The following VPS4A variants were observed in gnomAD, a reference collection of about 807,000 sequenced individuals.
VPS4A encodes vacuolar protein sorting 4 homolog A.
In VPS4A, 20 loss-of-function variants were observed where a neutral mutation model predicts 52.3. That is an observed-to-expected ratio of 0.38 (90% CI 0.27 to 0.56). The LOEUF is 0.56. VPS4A is among the 20% of genes least tolerant of loss of function. VPS4A has a pLI of 0.72. For synonymous variants in VPS4A, 293 were observed against 227.7 expected (o/e 1.29, Z -2.58); for missense variants, 419 against 575.9 (o/e 0.73, Z 2.79).
Position 69,320,455 on chromosome 16 carries a change from A to G in VPS4A, c.769+166A>G. The G allele has an allele frequency of 9.5e-7, 1 of 1,051,316 alleles. No individual in the cohort carries two copies. The highest frequency in any genetic ancestry group is 1.7e-5 in the South Asian group (1 of 59,912). The allele number at this position is 1,051,316 out of a possible 1,614,324, so 65.1% of individuals were successfully genotyped here. A position where few individuals can be genotyped will look rare whatever the true frequency, so the allele number is the denominator to read the frequency against. On this transcript the variant is annotated intron_variant, in intron 7 of 10. Transcript: ENST00000254950. The surrounding 1 kb of genome is among the most constrained non-coding windows in gnomAD (Gnocchi z 4.2). ...GACTTCAATTCCCAAGAGGTGCCTG[A>G]GGCCTCTGCCTCACGGGCCACTCCA...
At chr16:69,311,567 G>C (rs757173669) in intron 1 of VPS4A, 35 bp downstream of exon 1, 6 of 1,284,916 alleles carry the variant, frequency 4.7e-6, no homozygotes, top group Non-Finnish European at 6.0e-6. Flanking sequence ...TTCGGAGGCC[G>C]AAGGCAGCGG....
Position 69,324,547 on chromosome 16 carries a change from C to T in VPS4A, c.*238C>T. 1 of 498,654 alleles carries T rather than the reference C, an allele frequency of 2.0e-6. No homozygotes were observed. Among genetic ancestry groups the T allele is most frequent in the South Asian group, 2.7e-5 (1 of 36,528 alleles). 30.9% of individuals were successfully genotyped at this position (498,654 alleles called of 1,614,324 possible). On this transcript the variant is annotated 3_prime_UTR_variant, in exon 11 of 11. Coordinates refer to ENST00000254950, the MANE Select transcript of VPS4A (RefSeq NM_013245.3). ...TTCCTACTTCCTCCTCTCCTGGATG[C>T]TCATCAGCTCCTTCTGCCTCCCCCC...
rs904831815 is a variant in VPS4A at position 69,325,095 on chromosome 16, C to T, written c.*786C>T. 2 of 152,316 alleles carry T rather than the reference C, an allele frequency of 1.3e-5. No homozygotes were observed. Among genetic ancestry groups the T allele is most frequent in the Admixed American group, 6.5e-5 (1 of 15,284 alleles). 9.4% of individuals were successfully genotyped at this position (152,316 alleles called of 1,614,324 possible). ...TCTTAACTGAGACTCTGAAGGGCCACCCTTGCTTCCAATTAAAAGACCCTC... is the reference window on the plus strand; with the variant it reads ...TCTTAACTGAGACTCTGAAGGGCCATCCTTGCTTCCAATTAAAAGACCCTC... On this transcript the variant is annotated 3_prime_UTR_variant, in exon 11 of 11. Transcript: ENST00000254950.
chr16:69,322,817 C>G, intron 10 of VPS4A, 117 bp downstream of exon 10: 1 of 1,362,364 alleles, frequency 7.3e-7, no homozygotes, highest in Non-Finnish European at 9.8e-7. Context: ...CGCCTGTAAT[C>G]CCAGCACTTT....
At chr16:69,323,509 C>T in intron 10 of VPS4A, 1 of 380,232 alleles carries the variant, frequency 2.6e-6, no homozygotes, top group Admixed American at 3.3e-5. Flanking sequence ...TGACGTCAAT[C>T]CATGGGTTTG....
chr16:69,325,191 C>T lies in VPS4A; in HGVS notation c.*882C>T, dbSNP rs1597216380. 6.6e-6 allele frequency: 1 copy of T among 152,252 alleles called. No homozygotes were observed. Among genetic ancestry groups the T allele is most frequent in the Admixed American group, 6.5e-5 (1 of 15,284 alleles). 9.4% of individuals were successfully genotyped at this position (152,252 alleles called of 1,614,324 possible). A position where few individuals can be genotyped will look rare whatever the true frequency, so the allele number is the denominator to read the frequency against. ...ACACTGCAGTTCTTAGGCCTGTTCT[C>T]CAGTCAGGTGTGCAAGGCCTCCTCC... On this transcript the variant is annotated 3_prime_UTR_variant, in exon 11 of 11. Transcript: ENST00000254950.
At position 69,320,469 on chromosome 16, in the gene VPS4A, C is replaced by G. The variant is rs71397910; in HGVS notation, c.769+180C>G. On this transcript the variant is annotated intron_variant, in intron 7 of 10. Coordinates refer to ENST00000254950, the MANE Select transcript of VPS4A (RefSeq NM_013245.3). This position sits in a 1 kb window ranked among gnomAD's most constrained non-coding sequence, Gnocchi z 4.2. ...AGAGGTGCCTGAGGCCTCTGCCTCA[C>G]GGGCCACTCCACCCCTCCCATGGCA... 1 of 900,052 alleles carries G rather than the reference C, an allele frequency of 1.1e-6. No individual in the cohort carries two copies. The highest frequency in any genetic ancestry group is 1.7e-6 in the Non-Finnish European group (1 of 602,426). 55.8% of individuals were successfully genotyped at this position (900,052 alleles called of 1,614,324 possible).
intron 1 of VPS4A, 69 bp downstream of exon 1, chr16:69,311,601 C>T: frequency 8.1e-7 from 1 of 1,229,268 alleles, no homozygotes; most frequent in African/African-American, 1.6e-5. Context: ...CAGAGCCGGG[C>T]GGCGGGCGGG....
At chr16:69,319,565 G>A in intron 6 of VPS4A, 22 bp downstream of exon 6, 2 of 1,601,878 alleles carry the variant, frequency 1.2e-6, no homozygotes, top group East Asian at 2.3e-5. Flanking sequence ...ACCAGGCCAT[G>A]CTCTGCCAGC....
In VPS4A at chr16:69,321,923, G is replaced by A. The variant is rs910571153; in HGVS notation, c.1072-637G>A. The A allele has an allele frequency of 4.5e-4, 70 of 156,540 alleles. No homozygotes were observed. The highest frequency in any genetic ancestry group is 1.4e-3 in the African/African-American group (60 of 41,458). 9.7% of individuals were successfully genotyped at this position (156,540 alleles called of 1,614,324 possible). A position where few individuals can be genotyped will look rare whatever the true frequency, so the allele number is the denominator to read the frequency against. On this transcript the variant is annotated intron_variant, in intron 9 of 10. Transcript: ENST00000254950. The surrounding 1 kb of genome is among the most constrained non-coding windows in gnomAD (Gnocchi z 4.5). ...TGGGGGAATGTTTTGCCAAGGCAGC[G>A]GACTTCAGTTGGAAAACCACTTTGT...
rs1965578159 is a variant in VPS4A at position 69,325,411 on chromosome 16, TAATCCCA to T, written c.*1103_*1109del. On this transcript the variant is annotated 3_prime_UTR_variant, in exon 11 of 11. Coordinates refer to ENST00000254950, the MANE Select transcript of VPS4A (RefSeq NM_013245.3). ...TGCTGGGCGCGGTGGCTCACGCCTG[TAATCCCA>T]GCACTTTGGGCCGCTAACATTTAAA... 1 of 150,060 alleles carries T rather than the reference TAATCCCA, an allele frequency of 6.7e-6. No individual in the cohort carries two copies. Among genetic ancestry groups the T allele is most frequent in the South Asian group, 2.1e-4 (1 of 4,696 alleles). 9.3% of individuals were successfully genotyped at this position (150,060 alleles called of 1,614,324 possible).
intron 10 of VPS4A, chr16:69,323,740 A>G (rs934363476): frequency 1.6e-5 from 7 of 446,410 alleles, no homozygotes; most frequent in Non-Finnish European, 2.7e-5. Context: ...GCCTGAGGTC[A>G]GGAGTTCAAG....
Position 69,318,668 on chromosome 16 carries a change from A to G in VPS4A, c.300A>G (p.Glu100=). The G allele has an allele frequency of 6.2e-7, 1 of 1,612,354 alleles. No individual in the cohort carries two copies. Among genetic ancestry groups the G allele is most frequent in the Non-Finnish European group, 8.5e-7 (1 of 1,179,070 alleles). ...TTCCCAGCAGTGACAGTGACAGTGA[A>G]GGGGATAATCCGGAGAAAAAGAAAC... is the stretch of plus-strand genomic sequence containing the variant. ...SEGKGSDSDS[E]GDNPEKKKLQ... is the part of the protein sequence containing the mutation. Residue 100 remains glutamate, a synonymous_variant, in exon 4 of 11, where the codon GAA becomes GAG. Coordinates refer to ENST00000254950, the MANE Select transcript of VPS4A (RefSeq NM_013245.3).
chr16:69,320,611 C>T lies in VPS4A; in HGVS notation c.770-77C>T. The T allele has an allele frequency of 7.6e-7, 1 of 1,308,046 alleles. No individual in the cohort carries two copies. The highest frequency in any genetic ancestry group is 1.1e-6 in the Non-Finnish European group (1 of 937,572). The allele number at this position is 1,308,046 out of a possible 1,614,324, so 81.0% of individuals were successfully genotyped here. On this transcript the variant is annotated intron_variant, in intron 7 of 10. Transcript: ENST00000254950. This position sits in a 1 kb window ranked among gnomAD's most constrained non-coding sequence, Gnocchi z 4.2. ...GCTTCAATTGCTGACACACAAAGCC[C>T]CCGGGGTCTGTCCCCAGGTTTCAAC...
chr16:69,316,578 GA>G (rs1965440121), intron 3 of VPS4A, among the ~76,000 whole-genome samples: 1 of 152,206 alleles, frequency 6.6e-6, no homozygotes, highest in African/African-American at 2.4e-5. Context: ...GCCATGGGGA[GA>G]GGGGGAGCTT....
intron 5 of VPS4A, 82 bp downstream of exon 5, chr16:69,319,024 G>GT (rs1965475433): frequency 4.5e-6 from 7 of 1,557,510 alleles, no homozygotes; most frequent in Non-Finnish European, 8.6e-7. Flanking sequence ...CCGGGAGTCA[G>GT]TGGCGACTCA....
At chr16:69,322,477 T>A in intron 9 of VPS4A, 83 bp from the exon 10 acceptor site, 1 of 1,408,280 alleles carries the variant, frequency 7.1e-7, no homozygotes, top group Non-Finnish European at 9.5e-7. Flanking sequence ...AGCATTCTCT[T>A]TGGGACTTCC....
At chr16:69,322,475 C>T in intron 9 of VPS4A, 85 bp from the exon 10 acceptor site, 1 of 1,427,000 alleles carries the variant, frequency 7.0e-7, no homozygotes, top group Non-Finnish European at 9.3e-7. Flanking sequence ...AGAGCATTCT[C>T]TTTGGGACTT....
chr16:69,313,934 C>A (rs1035553870), intron 1 of VPS4A, among the ~76,000 whole-genome samples: 1 of 151,836 alleles, frequency 6.6e-6, no homozygotes, highest in Admixed American at 6.6e-5. Context: ...GAAACTTGGA[C>A]CCCCTGTGTG....
Sources: allele counts gnomAD v4.1 joint callset (sites outside exome capture counted in the v4.1 genomes callset), GRCh38; gene constraint gnomAD v4.1.1; non-coding constraint Gnocchi (gnomAD v3.1); transcripts MANE v1.5; gene names NCBI Gene and HGNC (gene_info 2026-07-23, HGNC 2026-07-21).